Variants in ZNF84 observed in about 807,000 individuals in gnomAD.
The protein encoded by ZNF84 is zinc finger protein 84.
Under a neutral mutation model 14.8 loss-of-function variants are expected in ZNF84, and 12 were observed. That is an observed-to-expected ratio of 0.81 (90% CI 0.52 to 1.31). The LOEUF is 1.31. Among genes scored for constraint, ZNF84 ranks in the 50% most tolerant of loss-of-function variants. The pLI is 0.00. For synonymous variants in ZNF84, 347 were observed against 291.1 expected, an observed-to-expected ratio of 1.19 and a Z score of -1.96; for missense variants, 859 against 878.6, an observed-to-expected ratio of 0.98 and a Z score of 0.28.
chr12:133,055,919 GA>G (rs35781112), intron 4 of ZNF84, among the ~76,000 whole-genome samples: 70,873 of 151,716 alleles, frequency 0.47, 18,305 homozygotes, highest in East Asian at 0.78. Flanking sequence ...ACAATATAGG[GA>G]ATCCCCATCT....
chr12:133,054,992 C>A (rs1183320904), intron 4 of ZNF84, among the ~76,000 whole-genome samples: 1 of 152,062 alleles, frequency 6.6e-6, no homozygotes, highest in African/African-American at 2.4e-5. Context: ...GAAGGTAGGG[C>A]ATTTGCCTGC....
At chr12:133,045,412 A>G (rs1953963392) in intron 2 of ZNF84, among the ~76,000 whole-genome samples, 2 of 152,216 alleles carry the variant, frequency 1.3e-5, no homozygotes, top group African/African-American at 2.4e-5. Context: ...CGGAGGTTGC[A>G]GTGAGCTGAG....
In ZNF84 at chr12:133,041,368, C is replaced by G; in HGVS notation, c.-100C>G. The G allele has an allele frequency of 8.5e-7, 1 of 1,174,542 alleles. No homozygotes were observed. The highest frequency in any genetic ancestry group is 1.3e-6 in the Non-Finnish European group (1 of 784,904). 72.8% of individuals were successfully genotyped at this position (1,174,542 alleles called of 1,614,324 possible). On this transcript the variant is annotated 5_prime_UTR_variant, in exon 2 of 5. Coordinates refer to ENST00000539354, the MANE Select transcript of ZNF84 (RefSeq NM_001289971.2). ...AGGAATTCATTCTCAGTGTAGAAGA[C>G]CTAGCTGAGACCTCACTCCACAGTT...
chr12:133,053,143 A>G (rs1418755250), intron 4 of ZNF84, among the ~76,000 whole-genome samples: 4 of 152,370 alleles, frequency 2.6e-5, no homozygotes, highest in African/African-American at 7.2e-5. Flanking sequence ...AATTAGAAGG[A>G]TATTTCATTG....
intron 4 of ZNF84, among the ~76,000 whole-genome samples, chr12:133,053,816 T>A (rs1954109027): frequency 1.3e-5 from 2 of 152,150 alleles, no homozygotes; most frequent in South Asian, 4.1e-4. Flanking sequence ...TCTTCCTCAA[T>A]TCATAAACAC....
intron 4 of ZNF84, chr12:133,050,684 TC>T (rs1954054841): frequency 2.5e-6 from 1 of 396,756 alleles, no homozygotes; most frequent in South Asian, 1.4e-4. Flanking sequence ...CTTAATCCTT[TC>T]CATAGGAACT....
At chr12:133,042,071 A>G (rs963558268) in intron 2 of ZNF84, among the ~76,000 whole-genome samples, 1 of 152,214 alleles carries the variant, frequency 6.6e-6, no homozygotes, top group Non-Finnish European at 1.5e-5. Flanking sequence ...GACCTGCCTC[A>G]TCCCTTGGTC....
chr12:133,039,739 G>T (rs1055460894), intron 1 of ZNF84, among the ~76,000 whole-genome samples: 1 of 151,608 alleles, frequency 6.6e-6, no homozygotes, highest in Non-Finnish European at 1.5e-5. Context: ...CACCATTTTA[G>T]CAAGTACAGA....
At chr12:133,052,188 G>A (rs1240691464) in intron 4 of ZNF84, among the ~76,000 whole-genome samples, 1 of 152,088 alleles carries the variant, frequency 6.6e-6, no homozygotes, top group African/African-American at 2.4e-5. Context: ...TTTTGGAGAT[G>A]GAAAGTCCCA....
At chr12:133,039,883 C>CT (rs1217889937) in intron 1 of ZNF84, among the ~76,000 whole-genome samples, 20 of 150,538 alleles carry the variant, frequency 1.3e-4, no homozygotes, top group Non-Finnish European at 3.0e-4. Flanking sequence ...TGGAGTTTCC[C>CT]TTTTGTTGCA....
chr12:133,048,152 G>A (rs1954015240), intron 3 of ZNF84, 71 bp downstream of exon 3: 2 of 1,463,842 alleles, frequency 1.4e-6, no homozygotes, highest in South Asian at 2.8e-5. Flanking sequence ...TTGCTGGGAA[G>A]TTTCAGAAGC....
chr12:133,052,033 G>T (rs1045901577), intron 4 of ZNF84, among the ~76,000 whole-genome samples: 1 of 152,136 alleles, frequency 6.6e-6, no homozygotes, highest in Non-Finnish European at 1.5e-5. Context: ...AAAAAGAACA[G>T]GGTAGTAAGT....
rs935866539 is a variant in ZNF84, at chr12:133,063,180, C to A, written c.*4248C>A. ...ATCAAGAAAGAGTCCCGATTGTGTTCCAGTACCTGGTTCTTCTGGTCTTCA... is the reference window on the plus strand; with the variant it reads ...ATCAAGAAAGAGTCCCGATTGTGTTACAGTACCTGGTTCTTCTGGTCTTCA... On this transcript the variant is annotated 3_prime_UTR_variant, in exon 5 of 5. Coordinates refer to ENST00000539354, the MANE Select transcript of ZNF84 (RefSeq NM_001289971.2). The A allele has an allele frequency of 1.4e-6, 1 of 702,318 alleles. No homozygotes were observed. Among genetic ancestry groups the A allele is most frequent in the South Asian group, 1.5e-5 (1 of 67,584 alleles). The allele number at this position is 702,318 out of a possible 1,614,324, so 43.5% of individuals were successfully genotyped here.
In ZNF84 at chr12:133,058,455, C is replaced by T; in HGVS notation, c.1740C>T (p.Phe580=). ...AATGCAGGGACTGTGAAAAAGCTTT[C>T]TCCCAGAAATCACAGCTAAATACCC... ...PYECRDCEKA[F]SQKSQLNTHQ... is the part of the protein sequence containing the mutation. Residue 580 remains phenylalanine, a synonymous_variant, in exon 5 of 5, where the codon TTC becomes TTT. Transcript: ENST00000539354. The T allele has an allele frequency of 1.2e-6, 2 of 1,614,052 alleles. No homozygotes were observed. Among genetic ancestry groups the T allele is most frequent in the Non-Finnish European group, 1.7e-6 (2 of 1,180,016 alleles).
intron 4 of ZNF84, among the ~76,000 whole-genome samples, chr12:133,049,097 CAAGT>C (rs1329353229): frequency 3.3e-5 from 5 of 152,330 alleles, no homozygotes; most frequent in South Asian, 4.1e-4. Flanking sequence ...ATTAGCTACT[CAAGT>C]AAGTCACATT....
intron 3 of ZNF84, chr12:133,048,543 T>G (rs956672338): frequency 2.1e-5 from 8 of 376,342 alleles, no homozygotes; most frequent in African/African-American, 4.1e-5. Context: ...AACCCAGGCT[T>G]ACTGGCTCCA....
At chr12:133,045,466 G>C (rs1264192287) in intron 2 of ZNF84, among the ~76,000 whole-genome samples, 7 of 151,468 alleles carry the variant, frequency 4.6e-5, no homozygotes, top group African/African-American at 1.7e-4. Flanking sequence ...ACAAGACTGT[G>C]TCTCAAAAAC....
rs1246004556 is a variant in ZNF84 at position 133,046,936 on chromosome 12, ATAT to A, written c.16-1017_16-1015del. The stretch of plus-strand genomic sequence containing the variant: ...TATATATTATATTATTTTTAATATA[ATAT>A]TTATATTATATATTATATTATGTAT... On this transcript the variant is annotated intron_variant, in intron 2 of 4. Coordinates refer to ENST00000539354, the MANE Select transcript of ZNF84 (RefSeq NM_001289971.2). Among the ~76,000 whole-genome samples, 682 of 141,510 alleles carry A rather than the reference ATAT, an allele frequency of 4.8e-3. 4 individuals carry two copies. Among genetic ancestry groups the A allele is most frequent in the Admixed American group, 0.012 (155 of 13,046 alleles). 92.8% of individuals were successfully genotyped at this position (141,510 alleles called of 152,430 possible). A position where few individuals can be genotyped will look rare whatever the true frequency, so the allele number is the denominator to read the frequency against.
chr12:133,040,563 C>T (rs1463598141), intron 1 of ZNF84: 122 of 115,740 alleles, frequency 1.1e-3, no homozygotes, highest in African/African-American at 4.6e-3. Context: ...GGGAGCAAGA[C>T]CGTACCAAAA....
Sources: gnomAD v4.1 joint callset for allele counts (sites outside exome capture counted in the v4.1 genomes callset) on GRCh38, gnomAD v4.1.1 for gene constraint, MANE v1.5 for transcripts, NCBI Gene and HGNC (gene_info 2026-07-23, HGNC 2026-07-21) for gene names.